PIP4K2A: variants seen among roughly 807,000 people sequenced by gnomAD.
PIP4K2A encodes the protein phosphatidylinositol-5-phosphate 4-kinase type 2 alpha.
Under a neutral mutation model 42.9 loss-of-function variants are expected in PIP4K2A, and 14 were observed. The observed-to-expected ratio is 0.33, with a 90% confidence interval of 0.22 to 0.51. The LOEUF (loss-of-function observed/expected upper bound fraction) is 0.51, where lower values mean the gene tolerates loss of function less well. Ranked by LOEUF, PIP4K2A falls within the 20% of genes least tolerant of loss-of-function variation. The pLI, the probability that PIP4K2A is intolerant of heterozygous loss-of-function variation, is 0.97. For synonymous variants in PIP4K2A, 192 were observed against 192.2 expected (o/e 1.00, Z 0.01); for missense variants, 434 against 519.8 (o/e 0.83, Z 1.61).
At chr10:22,661,535 A>T (rs61517488) in intron 1 of PIP4K2A, among the ~76,000 whole-genome samples, 19 of 151,660 alleles carry the variant, frequency 1.3e-4, no homozygotes, top group South Asian at 6.2e-4. Flanking sequence ...TTTAAAAAAA[A>T]TTTTTTTTGT....
intron 1 of PIP4K2A, among the ~76,000 whole-genome samples, chr10:22,650,193 T>G (rs1838963387): frequency 6.6e-6 from 1 of 152,204 alleles, no homozygotes; most frequent in South Asian, 2.1e-4. Flanking sequence ...TGATGATCTA[T>G]CAGAGGTATT....
At chr10:22,581,381 C>G (rs77740418) in intron 4 of PIP4K2A, among the ~76,000 whole-genome samples, 10,146 of 152,082 alleles carry the variant, frequency 0.067, 424 homozygotes, top group Middle Eastern at 0.15. Flanking sequence ...CTTATACTTG[C>G]TATATGTAGC....
intron 1 of PIP4K2A, among the ~76,000 whole-genome samples, chr10:22,630,466 G>C (rs1014011335): frequency 3.3e-5 from 5 of 152,080 alleles, no homozygotes; most frequent in African/African-American, 1.2e-4. Flanking sequence ...TTAAAATACA[G>C]AATTACTAGA....
chr10:22,665,863 T>C (rs771199901), intron 1 of PIP4K2A, among the ~76,000 whole-genome samples: 1 of 151,904 alleles, frequency 6.6e-6, no homozygotes, highest in Non-Finnish European at 1.5e-5. Flanking sequence ...TATATACATA[T>C]ATATACACAC....
intron 1 of PIP4K2A, among the ~76,000 whole-genome samples, chr10:22,642,646 A>G (rs536687026): frequency 1.3e-5 from 2 of 150,922 alleles, no homozygotes; most frequent in South Asian, 2.1e-4. Flanking sequence ...GTTTATAAAC[A>G]GATCTATAAT....
At chr10:22,707,788 C>T (rs1588718982) in intron 1 of PIP4K2A, among the ~76,000 whole-genome samples, 1 of 152,182 alleles carries the variant, frequency 6.6e-6, no homozygotes, top group East Asian at 1.9e-4. Context: ...ACACTATCCC[C>T]ATCTTATTCT....
intron 7 of PIP4K2A, among the ~76,000 whole-genome samples, chr10:22,550,260 CTG>C (rs1394402353): frequency 1.3e-5 from 2 of 152,214 alleles, no homozygotes; most frequent in Admixed American, 1.3e-4. Flanking sequence ...AGTGCCAAGA[CTG>C]TAATAGTGAC....
intron 5 of PIP4K2A, among the ~76,000 whole-genome samples, chr10:22,568,161 T>A (rs1346739063): frequency 6.6e-6 from 1 of 152,238 alleles, no homozygotes; most frequent in East Asian, 1.9e-4. Context: ...GTCCACCTGC[T>A]GGAAGTTAGA....
intron 3 of PIP4K2A, among the ~76,000 whole-genome samples, chr10:22,607,152 T>A (rs151122957): frequency 1.3e-4 from 20 of 152,218 alleles, no homozygotes; most frequent in South Asian, 2.1e-4. Context: ...TTTCCACTTT[T>A]AAAAAAAATC....
chr10:22,546,616 G>T (rs1836263400), intron 7 of PIP4K2A, among the ~76,000 whole-genome samples: 2 of 152,100 alleles, frequency 1.3e-5, no homozygotes, highest in Non-Finnish European at 1.5e-5. Flanking sequence ...TCACTATGTT[G>T]CCCAGGCTGT....
rs1037698209 is a variant in PIP4K2A, at chr10:22,710,661, C to A, written c.144+3522G>T. 2.0e-5 allele frequency among the ~76,000 whole-genome samples: 3 copies of A among 152,178 alleles called. No individual in the cohort carries two copies. In the East Asian group the frequency reaches 5.8e-4, roughly 29 times the overall value. On this transcript the variant is annotated intron_variant, in intron 1 of 9. Coordinates refer to ENST00000376573, the MANE Select transcript of PIP4K2A (RefSeq NM_005028.5). ...GCTCTTCACATGGTTCCATTACCAG[C>A]CTTTCCTTCTACTGTGATAGGCCCC...
At chr10:22,608,098 A>T in intron 2 of PIP4K2A, 75 bp from the exon 3 acceptor site, 1 of 939,554 alleles carries the variant, frequency 1.1e-6, no homozygotes, top group Non-Finnish European at 1.7e-6. Flanking sequence ...TGAGTTCCAC[A>T]GGTAGCCAAA....
intron 1 of PIP4K2A, among the ~76,000 whole-genome samples, chr10:22,620,872 T>G (rs566709141): frequency 6.6e-6 from 1 of 152,334 alleles, no homozygotes; most frequent in African/African-American, 2.4e-5. Flanking sequence ...ATCCACTTAA[T>G]TCCTGGAAGA....
At position 22,553,308 on chromosome 10, in the gene PIP4K2A, G is replaced by C. The variant is rs11013047; in HGVS notation, c.679-2536C>G. Among the ~76,000 whole-genome samples, 662 of 152,306 alleles carry C rather than the reference G, an allele frequency of 4.3e-3. 6 individuals are homozygous for C. Among genetic ancestry groups the C allele is most frequent in the Non-Finnish European group, 4.9e-3 (335 of 68,018 alleles). ...TGCTTGCTGCAAGACAGAGTGCTCA[G>C]GGGCACGAAGGTTTTGGGGTCATGA... On this transcript the variant is annotated intron_variant, in intron 6 of 9. Coordinates refer to ENST00000376573, the MANE Select transcript of PIP4K2A (RefSeq NM_005028.5).
chr10:22,592,460 G>T (rs1837535805), intron 3 of PIP4K2A, among the ~76,000 whole-genome samples: 1 of 152,186 alleles, frequency 6.6e-6, no homozygotes, highest in African/African-American at 2.4e-5. Flanking sequence ...GCCTGGGAGA[G>T]TGTCTTCTAA....
chr10:22,657,341 A>C (rs750937868), intron 1 of PIP4K2A, among the ~76,000 whole-genome samples: 5 of 152,234 alleles, frequency 3.3e-5, no homozygotes, highest in Non-Finnish European at 7.3e-5. Flanking sequence ...ATAATGAATG[A>C]CGTTTAGGAA....
intron 1 of PIP4K2A, among the ~76,000 whole-genome samples, chr10:22,670,816 T>C (rs1266980241): frequency 6.6e-6 from 1 of 152,178 alleles, no homozygotes; most frequent in Non-Finnish European, 1.5e-5. Context: ...AAATTCCTGC[T>C]ATGGACAGTA....
intron 7 of PIP4K2A, among the ~76,000 whole-genome samples, 195 bp downstream of exon 7, chr10:22,550,464 G>A (rs1035634280): frequency 3.3e-5 from 5 of 152,134 alleles, no homozygotes; most frequent in African/African-American, 1.2e-4. Flanking sequence ...AAATGAGAGG[G>A]CTGCTAAACT....
intron 1 of PIP4K2A, among the ~76,000 whole-genome samples, chr10:22,701,434 C>A (rs531918966): frequency 6.6e-6 from 1 of 152,262 alleles, no homozygotes; most frequent in South Asian, 2.1e-4. Flanking sequence ...ACATCTATAC[C>A]TGGTTATCCA....
Sources: gnomAD v4.1 joint callset for allele counts (sites outside exome capture counted in the v4.1 genomes callset) on GRCh38, gnomAD v4.1.1 for gene constraint, MANE v1.5 for transcripts, NCBI Gene and HGNC (gene_info 2026-07-23, HGNC 2026-07-21) for gene names.